The following SH3BGRL variants were observed in gnomAD, a reference collection of about 807,000 sequenced individuals.
SH3BGRL encodes the protein SH3 domain binding glutamate rich protein like.
In SH3BGRL, 7 loss-of-function variants were observed where a neutral mutation model predicts 9.8. The ratio of observed to expected loss-of-function variants is 0.72; its 90% CI spans 0.41 to 1.35. SH3BGRL has a LOEUF of 1.35. Ranked by LOEUF, SH3BGRL falls within the 40% of genes most tolerant of loss-of-function variation. The pLI, the probability that SH3BGRL is intolerant of heterozygous loss-of-function variation, is 0.01. For synonymous variants in SH3BGRL, 36 were observed against 29.1 expected (o/e 1.24, Z -0.76); for missense variants, 73 against 84.4 (o/e 0.86, Z 0.53).
At chrX:81,266,188 A>G (rs1304780429) in intron 1 of SH3BGRL, among the ~76,000 whole-genome samples, 2 of 111,922 alleles carry the variant, frequency 1.8e-5, no homozygotes, top group Non-Finnish European at 3.8e-5. Context: ...GCTGTGCAGA[A>G]GCTCTTCAGT....
intron 1 of SH3BGRL, among the ~76,000 whole-genome samples, chrX:81,270,581 A>T (rs73634737): frequency 0.035 from 3,877 of 111,848 alleles, 170 homozygotes; most frequent in African/African-American, 0.12. Context: ...TATTGCTGCC[A>T]GATCCTTACT....
At chrX:81,224,465 A>AT (rs201298051) in intron 1 of SH3BGRL, among the ~76,000 whole-genome samples, 22,345 of 109,529 alleles carry the variant, frequency 0.2, 1,955 homozygotes, top group East Asian at 0.68. Flanking sequence ...GAAAGAAAGG[A>AT]TTTTTTTTTC....
chrX:81,252,168 A>G (rs945222476), intron 1 of SH3BGRL, among the ~76,000 whole-genome samples: 5 of 112,110 alleles, frequency 4.5e-5, no homozygotes, highest in Non-Finnish European at 9.4e-5. Context: ...CTATACCAAT[A>G]AACAAAGAAA....
At chrX:81,241,332 G>A (rs1050759322) in intron 1 of SH3BGRL, among the ~76,000 whole-genome samples, 18 of 112,200 alleles carry the variant, frequency 1.6e-4, no homozygotes, top group Non-Finnish European at 3.2e-4. Flanking sequence ...GACAGTCTCC[G>A]GGGTGGAAAG....
intron 1 of SH3BGRL, among the ~76,000 whole-genome samples, chrX:81,230,697 T>C (rs192688149): frequency 4.5e-5 from 5 of 111,833 alleles, no homozygotes; most frequent in African/African-American, 1.6e-4. Context: ...GTAAACTTTA[T>C]AAACTCTAAA....
At position 81,245,327 on chromosome X, in the gene SH3BGRL, C is replaced by A. The variant is rs762608558; in HGVS notation, c.46-31657C>A. 4.5e-5 allele frequency among the ~76,000 whole-genome samples: 5 copies of A among 111,871 alleles called. No individual in the cohort carries two copies. The East Asian group carries it at 1.4e-3, about 31-fold the overall frequency. On this transcript the variant is annotated intron_variant, in intron 1 of 3. Coordinates refer to ENST00000373212, the MANE Select transcript of SH3BGRL (RefSeq NM_003022.3). ...TGTGAGACCTGCCCTTGAGGAGACT[C>A]TGTTACCTAGTAGCAACAAGACTTT...
chrX:81,296,857 A>G (rs943943307), intron 3 of SH3BGRL, among the ~76,000 whole-genome samples: 4 of 111,748 alleles, frequency 3.6e-5, no homozygotes, highest in African/African-American at 1.3e-4. Context: ...TTTTAAACTT[A>G]AGTAACCATG....
chrX:81,234,948 C>T (rs2075643222), intron 1 of SH3BGRL, among the ~76,000 whole-genome samples: 1 of 111,563 alleles, frequency 9.0e-6, no homozygotes, highest in African/African-American at 3.3e-5. Context: ...ATTTAAAGCA[C>T]AAATTTTGGA....
intron 3 of SH3BGRL, among the ~76,000 whole-genome samples, chrX:81,296,910 G>A (rs1356959914): frequency 9.0e-6 from 1 of 111,276 alleles, no homozygotes; most frequent in Non-Finnish European, 1.9e-5. Flanking sequence ...CACACAAAAA[G>A]GAAACTGACT....
intron 1 of SH3BGRL, among the ~76,000 whole-genome samples, chrX:81,219,183 C>G (rs992360295): frequency 1.8e-5 from 2 of 109,734 alleles, no homozygotes; most frequent in Admixed American, 2.0e-4. Context: ...AAAATCAAGA[C>G]AAAGGAAAGA....
chrX:81,292,992 A>G (rs1186870047), intron 3 of SH3BGRL, among the ~76,000 whole-genome samples: 1 of 112,301 alleles, frequency 8.9e-6, no homozygotes, highest in Non-Finnish European at 1.9e-5. Context: ...GATCATTGAT[A>G]TGGTTTGGCT....
At chrX:81,223,135 T>G (rs1485318475) in intron 1 of SH3BGRL, among the ~76,000 whole-genome samples, 2 of 111,575 alleles carry the variant, frequency 1.8e-5, no homozygotes, top group African/African-American at 6.5e-5. Flanking sequence ...GCCTGTTCAC[T>G]CTGATGGTGG....
intron 1 of SH3BGRL, among the ~76,000 whole-genome samples, chrX:81,258,868 A>T (rs1222708381): frequency 8.9e-6 from 1 of 112,462 alleles, no homozygotes; most frequent in African/African-American, 3.2e-5. Flanking sequence ...GGACTAATTT[A>T]TCTATTTAGA....
chrX:81,211,341 T>G (rs1924924878), intron 1 of SH3BGRL, among the ~76,000 whole-genome samples: 1 of 111,698 alleles, frequency 9.0e-6, no homozygotes, highest in Non-Finnish European at 1.9e-5. Flanking sequence ...TCTCAGCACT[T>G]TGTGGGGGCC....
In SH3BGRL at chrX:81,298,374, C is replaced by T. The variant is rs1241150579; in HGVS notation, c.*1147C>T. On this transcript the variant is annotated 3_prime_UTR_variant, in exon 4 of 4. Coordinates refer to ENST00000373212, the MANE Select transcript of SH3BGRL (RefSeq NM_003022.3). ...ATTTACATAGTAAGTTTCACACTACCTTATTACCAAAAGCAAACACCTCTT... is the reference window on the plus strand; with the variant it reads ...ATTTACATAGTAAGTTTCACACTACTTTATTACCAAAAGCAAACACCTCTT... The T allele has an allele frequency of 1.8e-5, 2 of 111,468 alleles. No individual in the cohort carries two copies. The highest frequency in any genetic ancestry group is 3.8e-5 in the Non-Finnish European group (2 of 52,816). The allele number at this position is 111,468 out of a possible 1,213,427, so 9.2% of individuals were successfully genotyped here. A position where few individuals can be genotyped will look rare whatever the true frequency, so the allele number is the denominator to read the frequency against.
intron 1 of SH3BGRL, among the ~76,000 whole-genome samples, chrX:81,211,565 C>T (rs1408545525): frequency 4.5e-5 from 5 of 110,099 alleles, no homozygotes; most frequent in Admixed American, 1.9e-4. Context: ...CCAGCCTGGG[C>T]TACAGAGCGA....
At chrX:81,250,628 A>G (rs1046590907) in intron 1 of SH3BGRL, among the ~76,000 whole-genome samples, 6 of 112,005 alleles carry the variant, frequency 5.4e-5, no homozygotes, top group African/African-American at 1.9e-4. Context: ...CCTGATTTAT[A>G]TAAAGTTTAC....
rs749721479 is a variant in SH3BGRL, at chrX:81,297,211, C to G, written c.329C>G (p.Ala110Gly). ...TCATTTCAGGAAGCAGAAGTGCAAG[C>G]AAAGCAGCAAGCATGAACCTTAAGC... ...PPGSKEAEVQ[A>G]KQQA The change falls in exon 4 of 4, where the codon GCA (alanine) becomes GGA (glycine). Residue 110 changes from alanine (A) to glycine (G), a missense_variant. Transcript: ENST00000373212. 1 of 1,207,529 alleles carries G rather than the reference C, an allele frequency of 8.3e-7. No homozygotes were observed. The highest frequency in any genetic ancestry group is 1.1e-6 in the Non-Finnish European group (1 of 892,510).
rs143812799 is a variant in SH3BGRL at position 81,239,412 on chromosome X, A to G, written c.45+37167A>G. ...CTGAGAAATGCATCAGAGTTTTTTA[A>G]TAGTGGAATTGATCAGACAAGAAAG... is the stretch of plus-strand genomic sequence containing the variant. On this transcript the variant is annotated intron_variant, in intron 1 of 3. Coordinates refer to ENST00000373212, the MANE Select transcript of SH3BGRL (RefSeq NM_003022.3). 3.3e-4 allele frequency among the ~76,000 whole-genome samples: 37 copies of G among 112,510 alleles called. 1 individual carries two copies. The East Asian group carries it at 9.7e-3, about 30-fold the overall frequency.
Sources: allele counts gnomAD v4.1 joint callset (sites outside exome capture counted in the v4.1 genomes callset), GRCh38; gene constraint gnomAD v4.1.1; transcripts MANE v1.5; gene names NCBI Gene and HGNC (gene_info 2026-07-23, HGNC 2026-07-21).